MEGF10: variants seen among roughly 807,000 people sequenced by gnomAD.
MEGF10 encodes multiple EGF like domains 10.
Under a neutral mutation model 147.5 loss-of-function variants are expected in MEGF10, and 86 were observed. The ratio of observed to expected loss-of-function variants is 0.58; its 90% confidence interval spans 0.49 to 0.70. MEGF10 has a LOEUF of 0.70. MEGF10 is among the 30% of genes least tolerant of loss of function. The pLI is 0.00. For missense variants in MEGF10, 1,329 were observed against 1,487.3 expected (o/e 0.89, Z 1.75); for synonymous variants, 478 against 525.5 (o/e 0.91, Z 1.24).
intron 9 of MEGF10, among the ~76,000 whole-genome samples, 155 bp from the exon 10 acceptor site, chr5:127,417,483 T>C (rs1362608207): frequency 6.6e-6 from 1 of 152,258 alleles, no homozygotes; most frequent in Non-Finnish European, 1.5e-5. Context: ...TTTCAGCCAA[T>C]TAATTAAATC....
In MEGF10 at chr5:127,440,830, T is replaced by C; in HGVS notation, c.2325T>C (p.Thr775=). 1.2e-6 allele frequency: 2 copies of C among 1,614,160 alleles called. No homozygotes were observed. The highest frequency in any genetic ancestry group is 8.5e-7 in the Non-Finnish European group (1 of 1,179,988). The change falls in exon 18 of 25, where the codon ACT becomes ACC. Residue 775 remains threonine, a synonymous_variant. Transcript: ENST00000503335. ...GCGACCACATTTCTGGGCAGTGTAC[T>C]TGCCGCACTGGATTCATGGGACGGC... is the stretch of plus-strand genomic sequence containing the variant. ...ADCDHISGQC[T]CRTGFMGRHC...
chr5:127,426,651 T>A (rs552636527), intron 13 of MEGF10, among the ~76,000 whole-genome samples: 55 of 152,324 alleles, frequency 3.6e-4, no homozygotes, highest in South Asian at 2.7e-3. Flanking sequence ...CAGATGTCAA[T>A]GAAATATAAT....
At chr5:127,380,980 A>C (rs961877943) in intron 5 of MEGF10, among the ~76,000 whole-genome samples, 13 of 152,214 alleles carry the variant, frequency 8.5e-5, no homozygotes, top group African/African-American at 3.1e-4. Context: ...AAAAAATTAT[A>C]ATGTAAACAT....
At chr5:127,237,612 G>C in the MEGF10 span, among the ~76,000 whole-genome samples, 6 of 152,192 alleles carry the variant, frequency 3.9e-5, no homozygotes, top group Non-Finnish European at 8.8e-5. Flanking sequence ...GGGTAGGTAG[G>C]CTGAGTTGGG....
At chr5:127,380,337 T>A (rs1242328518) in intron 5 of MEGF10, among the ~76,000 whole-genome samples, 1 of 152,048 alleles carries the variant, frequency 6.6e-6, no homozygotes, top group Non-Finnish European at 1.5e-5. Flanking sequence ...GGAGCTGAAG[T>A]ATGTAAACAA....
At chr5:127,367,390 T>A (rs1274212538) in intron 4 of MEGF10, among the ~76,000 whole-genome samples, 4 of 152,176 alleles carry the variant, frequency 2.6e-5, no homozygotes, top group Admixed American at 2.0e-4. Context: ...AGTTTTCAAA[T>A]TCTCAAATGG....
At chr5:127,323,963 G>A (rs116081561) in intron 1 of MEGF10, among the ~76,000 whole-genome samples, 384 of 152,294 alleles carry the variant, frequency 2.5e-3, no homozygotes, top group African/African-American at 8.8e-3. Context: ...GGTGTTCAAA[G>A]AAGTGAGATG....
the MEGF10 span, among the ~76,000 whole-genome samples, chr5:127,266,065 A>C: frequency 6.6e-6 from 1 of 152,004 alleles, no homozygotes; most frequent in Non-Finnish European, 1.5e-5. Context: ...TCTAACATTT[A>C]AGTCTTTAAT....
In MEGF10 at chr5:127,410,506, T is replaced by A. The variant is rs772920449; in HGVS notation, c.1035T>A (p.Phe345Leu). ...GCGCATGCCTCTGTGAAGCAGGCTTTGCTGGCGAGCGCTGCGAAGCACGCC... is the reference window on the plus strand; with the variant it reads ...GCGCATGCCTCTGTGAAGCAGGCTTAGCTGGCGAGCGCTGCGAAGCACGCC... The part of the protein sequence containing the change: ...VSGACLCEAG[F>L]AGERCEARLC... Residue 345 changes from phenylalanine (F) to leucine (L), a missense_variant, in exon 9 of 25, where the codon TTT (phenylalanine) becomes TTA (leucine). Coordinates refer to ENST00000503335, the MANE Select transcript of MEGF10 (RefSeq NM_001256545.2). The A allele has an allele frequency of 1.2e-6, 2 of 1,613,998 alleles. No homozygotes were observed. The highest frequency in any genetic ancestry group is 1.7e-6 in the Non-Finnish European group (2 of 1,180,050).
rs1238696824 is a variant in MEGF10, at chr5:127,410,663, AT to A, written c.1130+65del. On this transcript the variant is annotated intron_variant, in intron 9 of 24. Transcript: ENST00000503335. ...GAAAGTTTTAACCTTGGTTTTCAGGATTTGGAAGGAGGGATTGATAGAGTGA... is the reference window on the plus strand; with the variant it reads ...GAAAGTTTTAACCTTGGTTTTCAGGATTGGAAGGAGGGATTGATAGAGTGA... The A allele has an allele frequency of 1.4e-5, 20 of 1,426,948 alleles. No homozygotes were observed. In the East Asian group the frequency reaches 4.5e-4, roughly 32 times the overall value. 88.4% of individuals were successfully genotyped at this position (1,426,948 alleles called of 1,614,324 possible).
At position 127,440,871 on chromosome 5, in the gene MEGF10, A is replaced by C; in HGVS notation, c.2362+4A>C. The C allele has an allele frequency of 1.2e-6, 2 of 1,611,518 alleles. No homozygotes were observed. Among genetic ancestry groups the C allele is most frequent in the Non-Finnish European group, 1.7e-6 (2 of 1,178,996 alleles). On this transcript the variant is annotated splice_donor_region_variant and intron_variant, in intron 18 of 24. Transcript: ENST00000503335. ...ATGGGACGGCACTGTGAGCAGAGTA[A>C]GTATGAGAGTGTGGCATCACTGGGT...
At chr5:127,381,487 A>C (rs1048902249) in intron 5 of MEGF10, among the ~76,000 whole-genome samples, 2 of 152,124 alleles carry the variant, frequency 1.3e-5, no homozygotes, top group African/African-American at 2.4e-5. Flanking sequence ...GAGTGAAGTG[A>C]TGATATGTAC....
chr5:127,417,314 T>C (rs1764813871), intron 9 of MEGF10, among the ~76,000 whole-genome samples: 1 of 152,230 alleles, frequency 6.6e-6, no homozygotes, highest in Non-Finnish European at 1.5e-5. Context: ...TGGAGTTTTT[T>C]TAGCTCCTCT....
At chr5:127,299,487 C>A (rs1237587994) in intron 1 of MEGF10, among the ~76,000 whole-genome samples, 2 of 152,156 alleles carry the variant, frequency 1.3e-5, no homozygotes, top group Non-Finnish European at 2.9e-5. Context: ...GAAAGGGTTG[C>A]AAACTTCCTG....
At chr5:127,237,826 C>G in the MEGF10 span, among the ~76,000 whole-genome samples, 1 of 151,956 alleles carries the variant, frequency 6.6e-6, no homozygotes, top group Non-Finnish European at 1.5e-5. Context: ...TCTCCCTGCT[C>G]CCTTCCTCTA....
At chr5:127,338,566 C>G (rs1481659051) in intron 2 of MEGF10, among the ~76,000 whole-genome samples, 1 of 152,108 alleles carries the variant, frequency 6.6e-6, no homozygotes, top group Non-Finnish European at 1.5e-5. Flanking sequence ...TTAAAGACTA[C>G]TTTATAGTAT....
chr5:127,409,709 C>T (rs1047370751), intron 8 of MEGF10: 1 of 152,988 alleles, frequency 6.5e-6, no homozygotes, highest in African/African-American at 2.4e-5. Context: ...AGGGCAATAC[C>T]CCACTAGCCA....
rs2003863 is a variant in MEGF10 at position 127,447,278 on chromosome 5, C to A, written c.2729-279C>A. ...GTAACCTCTACCTCCGGGGTTCAAG[C>A]GATTCTTCTGCCTCAGCCTCCCGAG... On this transcript the variant is annotated intron_variant, in intron 20 of 24. Coordinates refer to ENST00000503335, the MANE Select transcript of MEGF10 (RefSeq NM_001256545.2). 0.023 allele frequency among the ~76,000 whole-genome samples: 3,569 copies of A among 152,162 alleles called. 70 individuals carry two copies. Among genetic ancestry groups the A allele is most frequent in the Non-Finnish European group, 0.039 (2,636 of 67,992 alleles).
chr5:127,368,608 G>T (rs1246627513), intron 4 of MEGF10, among the ~76,000 whole-genome samples: 1 of 152,048 alleles, frequency 6.6e-6, no homozygotes, highest in Admixed American at 6.6e-5. Context: ...TATTTCATTT[G>T]TTTCTCTTTT....
Sources: allele counts gnomAD v4.1 joint callset (sites outside exome capture counted in the v4.1 genomes callset), GRCh38; gene constraint gnomAD v4.1.1; transcripts MANE v1.5; gene names NCBI Gene and HGNC (gene_info 2026-07-23, HGNC 2026-07-21).